KCNJ6: variants seen among roughly 807,000 people sequenced by gnomAD.
KCNJ6 encodes potassium inwardly rectifying channel subfamily J member 6.
Under a neutral mutation model 34.2 loss-of-function variants are expected in KCNJ6, and 9 were observed. The ratio of observed to expected loss-of-function variants is 0.26; its 90% confidence interval spans 0.16 to 0.46. The LOEUF is 0.46. Ranked by LOEUF, KCNJ6 falls within the 20% of genes least tolerant of loss-of-function variation. The pLI, the probability that KCNJ6 is intolerant of heterozygous loss-of-function variation, is 1.00. For missense variants in KCNJ6, 236 were observed against 531.3 expected, an observed-to-expected ratio of 0.44 and a Z score of 5.46; for synonymous variants, 196 against 207.1, an observed-to-expected ratio of 0.95 and a Z score of 0.46.
At chr21:37,707,063 A>G (rs2123443056) in intron 3 of KCNJ6, among the ~76,000 whole-genome samples, 1 of 152,176 alleles carries the variant, frequency 6.6e-6, no homozygotes, top group Middle Eastern at 3.4e-3. Context: ...GACTGAGTCC[A>G]GTGATTCTCA....
chr21:37,702,886 G>A (rs1050457463), intron 3 of KCNJ6, among the ~76,000 whole-genome samples: 12 of 152,168 alleles, frequency 7.9e-5, no homozygotes, highest in Non-Finnish European at 1.8e-4. Flanking sequence ...CGCTAATGAT[G>A]TGGAGAGGCC....
At chr21:37,656,759 A>G (rs529035228) in intron 3 of KCNJ6, among the ~76,000 whole-genome samples, 72 of 152,292 alleles carry the variant, frequency 4.7e-4, no homozygotes, top group African/African-American at 6.7e-4. Context: ...TGGAAGAGAA[A>G]TTCACATTCT....
intron 2 of KCNJ6, among the ~76,000 whole-genome samples, chr21:37,810,133 A>G (rs2055315252): frequency 1.3e-5 from 2 of 152,230 alleles, no homozygotes; most frequent in Non-Finnish European, 2.9e-5. Flanking sequence ...GTGCATGCAC[A>G]CACACACACA....
chr21:37,640,788 T>C (rs941029381), intron 3 of KCNJ6, among the ~76,000 whole-genome samples: 7 of 152,234 alleles, frequency 4.6e-5, no homozygotes, highest in Non-Finnish European at 1.0e-4. Context: ...CACTGGTTCT[T>C]AACTTTTTGA....
chr21:37,659,626 C>A (rs1165605052), intron 3 of KCNJ6, among the ~76,000 whole-genome samples: 1 of 152,226 alleles, frequency 6.6e-6, no homozygotes, highest in Non-Finnish European at 1.5e-5. Flanking sequence ...ATCCCCCCGA[C>A]CTGGGGTACT....
chr21:37,633,874 T>C (rs2054344731), intron 3 of KCNJ6, among the ~76,000 whole-genome samples: 1 of 152,162 alleles, frequency 6.6e-6, no homozygotes, highest in African/African-American at 2.4e-5. Flanking sequence ...GATGTCAGTT[T>C]TTCCCAAGTT....
chr21:37,799,449 G>A (rs1313609400), intron 2 of KCNJ6, among the ~76,000 whole-genome samples: 2 of 152,140 alleles, frequency 1.3e-5, no homozygotes, highest in African/African-American at 2.4e-5. Context: ...GAAGAGGCAG[G>A]AGAGGAAGGG....
rs1601390323 is a variant in KCNJ6 at position 37,621,566 on chromosome 21, G to A, written c.*3593C>T. 6.6e-6 allele frequency: 1 copy of A among 152,210 alleles called. No individual in the cohort carries two copies. Among genetic ancestry groups the A allele is most frequent in the East Asian group, 1.9e-4 (1 of 5,198 alleles). 9.4% of individuals were successfully genotyped at this position (152,210 alleles called of 1,614,324 possible). A position where few individuals can be genotyped will look rare whatever the true frequency, so the allele number is the denominator to read the frequency against. On this transcript the variant is annotated 3_prime_UTR_variant, in exon 4 of 4. Coordinates refer to ENST00000609713, the MANE Select transcript of KCNJ6 (RefSeq NM_002240.5). ...TGAAGTCATGAATAATTTTTAAATT[G>A]GAGTGCAGTGAAAAATAGACATTTC...
chr21:37,717,845 C>G (rs892361836), intron 2 of KCNJ6, among the ~76,000 whole-genome samples: 13 of 152,336 alleles, frequency 8.5e-5, no homozygotes, highest in Non-Finnish European at 1.3e-4. Flanking sequence ...ATATATCATA[C>G]TTAAAAAATG....
At chr21:37,711,389 G>GC (rs1259128436) in intron 3 of KCNJ6, among the ~76,000 whole-genome samples, 1 of 152,196 alleles carries the variant, frequency 6.6e-6, no homozygotes, top group Non-Finnish European at 1.5e-5. Context: ...CCTGGAAGAG[G>GC]CCTGCTCGTG....
chr21:37,669,560 C>A (rs1004279455), intron 3 of KCNJ6, among the ~76,000 whole-genome samples: 3 of 142,556 alleles, frequency 2.1e-5, no homozygotes, highest in African/African-American at 8.1e-5. Context: ...TGTTGGGGAG[C>A]ATGAAGTCTG....
rs529536657 is a variant in KCNJ6, at chr21:37,854,903, C to T, written c.-27-14194G>A. 3.3e-5 allele frequency among the ~76,000 whole-genome samples: 5 copies of T among 152,280 alleles called. No homozygotes were observed. In the South Asian group the frequency reaches 6.2e-4, roughly 19 times the overall value. On this transcript the variant is annotated intron_variant, in intron 1 of 3. Transcript: ENST00000609713. ...AGAACTGAAAGGGGAAATAAATCCA[C>T]GAATATAGTTGAAGATGCCAACACC... is the stretch of plus-strand genomic sequence containing the variant.
At chr21:37,701,095 G>C (rs1363930647) in intron 3 of KCNJ6, among the ~76,000 whole-genome samples, 1 of 152,220 alleles carries the variant, frequency 6.6e-6, no homozygotes, top group Non-Finnish European at 1.5e-5. Flanking sequence ...TGCCCAGGAG[G>C]ACACAGCTGC....
At chr21:37,824,845 C>A (rs967236019) in intron 2 of KCNJ6, among the ~76,000 whole-genome samples, 1 of 152,080 alleles carries the variant, frequency 6.6e-6, no homozygotes, top group Non-Finnish European at 1.5e-5. Context: ...CAGGTAGTAT[C>A]TTTATAGCAG....
chr21:37,695,704 G>A lies in KCNJ6; in HGVS notation c.946+18507C>T, dbSNP rs558446931. ...CAGCCAGTTAAGCTGGGCTAGAACC[G>A]ACCTCTTTTGTAAATGGAGGGACCT... On this transcript the variant is annotated intron_variant, in intron 3 of 3. Coordinates refer to ENST00000609713, the MANE Select transcript of KCNJ6 (RefSeq NM_002240.5). This position sits in a 1 kb window ranked among gnomAD's most constrained non-coding sequence, Gnocchi z 4.2. Among the ~76,000 whole-genome samples, 62 of 152,286 alleles carry A rather than the reference G, an allele frequency of 4.1e-4. No individual in the cohort carries two copies. Among genetic ancestry groups the A allele is most frequent in the African/African-American group, 1.3e-3 (52 of 41,552 alleles).
chr21:37,759,469 C>T (rs376253702), intron 2 of KCNJ6, among the ~76,000 whole-genome samples: 2 of 152,152 alleles, frequency 1.3e-5, no homozygotes, highest in Non-Finnish European at 2.9e-5. Context: ...GCACCCTGAC[C>T]GCAAAGGTGT....
rs199800617 is a variant in KCNJ6 at position 37,818,207 on chromosome 21, C to T, written c.25+22451G>A. 8.6e-3 allele frequency among the ~76,000 whole-genome samples: 694 copies of T among 80,954 alleles called. 5 individuals carry two copies. The highest frequency in any genetic ancestry group is 0.025 in the African/African-American group (462 of 18,306). 53.1% of individuals were successfully genotyped at this position (80,954 alleles called of 152,430 possible). On this transcript the variant is annotated intron_variant, in intron 2 of 3. Coordinates refer to ENST00000609713, the MANE Select transcript of KCNJ6 (RefSeq NM_002240.5). ...GCTTAAAAGTGCGTGTGTGTGTGTG[C>T]GTGCGTGTGTGTGTGTGTGTGTGTG...
chr21:37,707,892 T>C lies in KCNJ6; in HGVS notation c.946+6319A>G, dbSNP rs568158912. On this transcript the variant is annotated intron_variant, in intron 3 of 3. Transcript: ENST00000609713. ...GTTTAAGGATATGCTAATTAGAGAC[T>C]TCACACGATTTGACGTTCATCTCCT... Among the ~76,000 whole-genome samples, 13 of 152,038 alleles carry C rather than the reference T, an allele frequency of 8.6e-5. No individual in the cohort carries two copies. The South Asian group carries it at 2.7e-3, about 32-fold the overall frequency.
intron 3 of KCNJ6, among the ~76,000 whole-genome samples, chr21:37,682,345 C>A (rs1332008644): frequency 1.3e-5 from 2 of 152,224 alleles, no homozygotes; most frequent in African/African-American, 4.8e-5. Context: ...TGCAAGCTGA[C>A]TGCCCAGCCG....
Sources: allele counts gnomAD v4.1 joint callset (sites outside exome capture counted in the v4.1 genomes callset), GRCh38; gene constraint gnomAD v4.1.1; non-coding constraint Gnocchi (gnomAD v3.1); transcripts MANE v1.5; gene names NCBI Gene and HGNC (gene_info 2026-07-23, HGNC 2026-07-21).